Variants in USP34 observed in about 807,000 individuals in gnomAD.
The protein encoded by USP34 is ubiquitin carboxyl-terminal hydrolase 34.
In USP34, 70 loss-of-function variants were observed where a neutral mutation model predicts 460.3. That is an observed-to-expected ratio of 0.15 (90% CI 0.13 to 0.19). USP34 has a LOEUF of 0.19. Among genes scored for constraint, USP34 ranks in the 10% least tolerant of loss-of-function variants. USP34 has a pLI of 1.00. For synonymous variants in USP34, 1,647 were observed against 1,405.3 expected (o/e 1.17, Z -3.85); for missense variants, 3,985 against 4,236.2 (o/e 0.94, Z 1.65).
At chr2:61,379,430 G>A (rs764786963) in intron 7 of USP34, among the ~76,000 whole-genome samples, 5 of 152,002 alleles carry the variant, frequency 3.3e-5, no homozygotes, top group African/African-American at 4.8e-5. Flanking sequence ...TGAGGCAAGA[G>A]CATCGCTTGA....
intron 25 of USP34, among the ~76,000 whole-genome samples, chr2:61,312,256 T>G (rs1256016002): frequency 6.7e-6 from 1 of 150,078 alleles, no homozygotes; most frequent in Non-Finnish European, 1.5e-5. Context: ...GCAAATGAAA[T>G]AGCAAGCTGT....
chr2:61,373,391 A>C (rs1032335570), intron 8 of USP34, among the ~76,000 whole-genome samples: 5 of 151,882 alleles, frequency 3.3e-5, no homozygotes, highest in African/African-American at 1.2e-4. Flanking sequence ...AGATCCAACT[A>C]TATGCTACCC....
intron 1 of USP34, among the ~76,000 whole-genome samples, chr2:61,425,836 G>T (rs1037585934): frequency 2.6e-5 from 4 of 151,920 alleles, no homozygotes; most frequent in Non-Finnish European, 5.9e-5. Context: ...CCTTCCCCTC[G>T]ACAGGCTGCA....
intron 31 of USP34, 21 bp downstream of exon 31, chr2:61,295,147 T>C (rs1360087102): frequency 1.9e-6 from 3 of 1,601,836 alleles, no homozygotes; most frequent in East Asian, 2.2e-5. Flanking sequence ...CATTTAATGA[T>C]AATAATGGAA....
chr2:61,348,035 C>T lies in USP34; in HGVS notation c.2120G>A (p.Gly707Glu). 2.5e-6 allele frequency: 4 copies of T among 1,614,158 alleles called. No individual in the cohort carries two copies. The highest frequency in any genetic ancestry group is 3.4e-6 in the Non-Finnish European group (4 of 1,180,020). ...HSEDPEHDIS[G>E]EMNATHIAQG... ...TGCTATATGAGTAGCATTCATTTCC[C>T]CTGAAATATCATGTTCTGGGTCTTC... Residue 707 changes from glycine to glutamate, a missense_variant, in exon 15 of 80, where the codon GGG (glycine) becomes GAG (glutamate). This residue lies in a region of USP34 where 716 missense variants were observed against 626.2 expected (regional missense o/e 1.14). Coordinates refer to ENST00000398571, the MANE Select transcript of USP34 (RefSeq NM_014709.4).
chr2:61,221,506 C>G lies in USP34; in HGVS notation c.7895G>C (p.Trp2632Ser). Reference sequence around the variant, plus strand: ...AACACCTGCTGCAAGACTTACCTCCCATATCCTCTGCAGAATATAAGATGC... The same window carrying G: ...AACACCTGCTGCAAGACTTACCTCCGATATCCTCTGCAGAATATAAGATGC... Reference protein sequence around the residue: ...PFASYILQRIWEVIEYNPSQC... With the variant: ...PFASYILQRISEVIEYNPSQC... Residue 2632 changes from tryptophan (W) to serine (S), a missense_variant, in exon 66 of 80, where the codon TGG (tryptophan) becomes TCG (serine). By Grantham distance (177) the Trp-to-Ser change is radical (BLOSUM62 -3). Around this residue, in one of 14 missense-constraint regions of USP34, gnomAD observed 604 missense variants for 684.8 expected, o/e 0.88. Coordinates refer to ENST00000398571, the MANE Select transcript of USP34 (RefSeq NM_014709.4). 1.2e-6 allele frequency: 2 copies of G among 1,613,254 alleles called. No homozygotes were observed. Among genetic ancestry groups the G allele is most frequent in the Non-Finnish European group, 1.7e-6 (2 of 1,179,468 alleles).
rs758676959 is a variant in USP34 at position 61,259,793 on chromosome 2, A to G, written c.5779-17T>C. 4 of 1,610,734 alleles carry G rather than the reference A, an allele frequency of 2.5e-6. No individual in the cohort carries two copies. Among genetic ancestry groups the G allele is most frequent in the South Asian group, 2.2e-5 (2 of 90,996 alleles). ...CTCTGAATACTGAAAATCAAGAGAA[A>G]ACACCATTAAAAACACAGACATGAT... On this transcript the variant is annotated splice_polypyrimidine_tract_variant and intron_variant, in intron 43 of 79. Coordinates refer to ENST00000398571, the MANE Select transcript of USP34 (RefSeq NM_014709.4).
chr2:61,213,696 G>T (rs75164736), intron 68 of USP34, among the ~76,000 whole-genome samples: 3 of 152,174 alleles, frequency 2.0e-5, no homozygotes. Context: ...ACAGCATGTA[G>T]ATTTTGCTAA....
intron 10 of USP34, among the ~76,000 whole-genome samples, chr2:61,352,566 G>A (rs531354762): frequency 6.6e-6 from 1 of 151,608 alleles, no homozygotes; most frequent in African/African-American, 2.4e-5. Flanking sequence ...AAGCTCAAGT[G>A]ATCCTCTTGC....
At position 61,293,467 on chromosome 2, in the gene USP34, A is replaced by G. The variant is rs1689924912; in HGVS notation, c.4545T>C (p.Thr1515=). Residue 1515 remains threonine, a synonymous_variant, in exon 33 of 80, where the codon ACT becomes ACC. Coordinates refer to ENST00000398571, the MANE Select transcript of USP34 (RefSeq NM_014709.4). The stretch of plus-strand genomic sequence containing the variant: ...GAAACCATAAATATGCACTTACCAC[A>G]GTCCATGATTCCTGCTCTTTAGGCT... ...ILEPKEQESW[T]VWQLDCLACL... 6.2e-7 allele frequency: 1 copy of G among 1,611,262 alleles called. No individual in the cohort carries two copies. Among genetic ancestry groups the G allele is most frequent in the Admixed American group, 1.7e-5 (1 of 59,752 alleles).
intron 1 of USP34, among the ~76,000 whole-genome samples, chr2:61,442,898 TACACACACAC>T (rs58151221): frequency 1.0e-3 from 147 of 147,306 alleles, no homozygotes; most frequent in South Asian, 8.9e-3. Context: ...GTGATGTGTG[TACACACACAC>T]ACACACACAC....
chr2:61,469,222 A>G (rs755439539), intron 1 of USP34, among the ~76,000 whole-genome samples: 26 of 152,112 alleles, frequency 1.7e-4, no homozygotes, highest in Non-Finnish European at 3.5e-4. Flanking sequence ...AAAAAAAAAG[A>G]TATTTAAAAT....
chr2:61,227,253 G>C, intron 61 of USP34, 35 bp from the exon 62 acceptor site: 2 of 1,569,590 alleles, frequency 1.3e-6, no homozygotes, highest in Non-Finnish European at 1.7e-6. Flanking sequence ...TAATACGGTA[G>C]TAGTTTTAAT....
At chr2:61,226,162 CAT>C (rs761109526) in intron 62 of USP34, among the ~76,000 whole-genome samples, 2 of 152,148 alleles carry the variant, frequency 1.3e-5, no homozygotes, top group Non-Finnish European at 2.9e-5. Context: ...ACGAACAAAA[CAT>C]ATAAATATAC....
At chr2:61,257,737 T>C (rs1688757216) in intron 44 of USP34, among the ~76,000 whole-genome samples, 1 of 151,850 alleles carries the variant, frequency 6.6e-6, no homozygotes, top group Non-Finnish European at 1.5e-5. Flanking sequence ...TAAAACCCCA[T>C]CTCTGCTAAA....
chr2:61,458,209 G>A (rs1448027966), intron 1 of USP34, among the ~76,000 whole-genome samples: 2 of 152,052 alleles, frequency 1.3e-5, no homozygotes, highest in African/African-American at 4.8e-5. Flanking sequence ...CTTCAGACTT[G>A]GAGTTCAGGA....
At position 61,421,345 on chromosome 2, in the gene USP34, A is replaced by C. The variant is rs1428286967; in HGVS notation, c.44-512T>G. On this transcript the variant is annotated intron_variant, in intron 1 of 79. Transcript: ENST00000398571. The stretch of plus-strand genomic sequence containing the variant: ...TAGCCACAGAGCATACCTTCCTTGA[A>C]GTCACAGCTTCCTTCACACGGCGTT... Among the ~76,000 whole-genome samples the C allele has an allele frequency of 4.6e-5, 7 of 152,322 alleles. No individual in the cohort carries two copies. In the East Asian group the frequency reaches 1.3e-3, roughly 29 times the overall value.
intron 48 of USP34, among the ~76,000 whole-genome samples, chr2:61,254,701 A>C (rs751796343): frequency 2.0e-5 from 3 of 152,230 alleles, no homozygotes; most frequent in African/African-American, 7.2e-5. Context: ...CATGCCTGTA[A>C]TATCAGCATT....
intron 58 of USP34, among the ~76,000 whole-genome samples, chr2:61,230,204 C>A (rs1349680553): frequency 6.6e-6 from 1 of 152,112 alleles, no homozygotes; most frequent in Non-Finnish European, 1.5e-5. Context: ...ATATCACTGG[C>A]AAGAATGTCA....
Sources: gnomAD v4.1 joint callset for allele counts (sites outside exome capture counted in the v4.1 genomes callset) on GRCh38, gnomAD v4.1.1 for gene constraint, gnomAD v4.1.1 regional missense constraint, MANE v1.5 for transcripts, NCBI Gene and HGNC (gene_info 2026-07-23, HGNC 2026-07-21) for gene names.